Variants in KIF21A observed in about 807,000 individuals in gnomAD.
The protein encoded by KIF21A is kinesin-like protein KIF21A.
Under a neutral mutation model 202.9 loss-of-function variants are expected in KIF21A, and 114 were observed. The ratio of observed to expected loss-of-function variants is 0.56; its 90% confidence interval spans 0.48 to 0.66. The LOEUF is 0.66. Among genes scored for constraint, KIF21A ranks in the 30% least tolerant of loss-of-function variants. The pLI is 0.00. For missense variants in KIF21A, 1,677 were observed against 1,994.9 expected (o/e 0.84, Z 3.04); for synonymous variants, 667 against 670.8 (o/e 0.99, Z 0.09).
chr12:39,343,715 T>C (rs1466255132), intron 12 of KIF21A, among the ~76,000 whole-genome samples: 1 of 152,188 alleles, frequency 6.6e-6, no homozygotes, highest in Non-Finnish European at 1.5e-5. Flanking sequence ...GTCATTTATG[T>C]TTATGTTATT....
At chr12:39,407,567 T>G (rs1158578907) in intron 1 of KIF21A, among the ~76,000 whole-genome samples, 1 of 152,204 alleles carries the variant, frequency 6.6e-6, no homozygotes, top group Non-Finnish European at 1.5e-5. Flanking sequence ...TATTCATTTA[T>G]TCCCTCCAGT....
intron 17 of KIF21A, among the ~76,000 whole-genome samples, chr12:39,336,720 G>A (rs1049971577): frequency 3.9e-5 from 6 of 151,930 alleles, no homozygotes. Flanking sequence ...GTTAACTCTA[G>A]GATTATTTAT....
chr12:39,366,903 A>G, intron 5 of KIF21A, 127 bp downstream of exon 5: 1 of 947,754 alleles, frequency 1.1e-6, no homozygotes, highest in Non-Finnish European at 1.7e-6. Flanking sequence ...AACTAGGATC[A>G]GAAAAGGAAA....
chr12:39,427,174 G>T (rs1954832380), intron 1 of KIF21A, among the ~76,000 whole-genome samples: 1 of 152,106 alleles, frequency 6.6e-6, no homozygotes, highest in Admixed American at 6.6e-5. Flanking sequence ...AAACGGAACT[G>T]AACTAAATTA....
At chr12:39,312,792 G>T (rs1226826984) in intron 31 of KIF21A, 2 of 151,830 alleles carry the variant, frequency 1.3e-5, no homozygotes, top group African/African-American at 4.8e-5. Context: ...TCAAAACATT[G>T]TCCCTCTCCC....
At chr12:39,327,408 G>C (rs145373610) in intron 24 of KIF21A, among the ~76,000 whole-genome samples, 25 of 152,256 alleles carry the variant, frequency 1.6e-4, no homozygotes, top group Non-Finnish European at 2.8e-4. Flanking sequence ...TTAGAGGGAG[G>C]CTCAAGGACT....
chr12:39,322,562 C>A, intron 27 of KIF21A, 106 bp downstream of exon 27: 1 of 844,956 alleles, frequency 1.2e-6, no homozygotes, highest in Non-Finnish European at 1.8e-6. Context: ...AACCAGAGAT[C>A]AAATTTATAT....
intron 1 of KIF21A, among the ~76,000 whole-genome samples, chr12:39,441,661 A>T (rs1237132065): frequency 1.4e-5 from 1 of 72,538 alleles, no homozygotes; most frequent in African/African-American, 5.6e-5. Flanking sequence ...CCTGGGTGGT[A>T]AAAAAAAAAA....
intron 17 of KIF21A, among the ~76,000 whole-genome samples, chr12:39,336,156 G>A (rs1946946222): frequency 6.6e-6 from 1 of 151,940 alleles, no homozygotes; most frequent in African/African-American, 2.4e-5. Flanking sequence ...TGGGCTCAAA[G>A]CAATCCTCCG....
intron 29 of KIF21A, among the ~76,000 whole-genome samples, chr12:39,316,613 T>C (rs76094042): frequency 0.11 from 16,846 of 152,146 alleles, 929 homozygotes; most frequent in East Asian, 0.14. Context: ...TGAGTCTGGT[T>C]ATTAAGAAAA....
In KIF21A at chr12:39,293,420, T is replaced by A. The variant is rs1555135845; in HGVS notation, c.*1004A>T. The stretch of plus-strand genomic sequence containing the variant: ...TTATACATCCTTTTGCAAAATCCAG[T>A]CAACAACTTTTAAAAATTCATACAG... On this transcript the variant is annotated 3_prime_UTR_variant, in exon 38 of 38. Coordinates refer to ENST00000361418, the MANE Select transcript of KIF21A (RefSeq NM_001173464.2). 6.6e-6 allele frequency: 1 copy of A among 152,566 alleles called. No homozygotes were observed. The highest frequency in any genetic ancestry group is 1.5e-5 in the Non-Finnish European group (1 of 68,020). The allele number at this position is 152,566 out of a possible 1,614,324, so 9.5% of individuals were successfully genotyped here.
At chr12:39,392,583 G>A (rs926842880) in intron 1 of KIF21A, among the ~76,000 whole-genome samples, 1 of 151,998 alleles carries the variant, frequency 6.6e-6, no homozygotes, top group Admixed American at 6.6e-5. Flanking sequence ...ATGTTTGCCA[G>A]AAAGTGAAAT....
intron 15 of KIF21A, 47 bp from the exon 16 acceptor site, chr12:39,340,411 A>G (rs1393945599): frequency 2.0e-5 from 28 of 1,411,852 alleles, no homozygotes; most frequent in Non-Finnish European, 2.7e-5. Flanking sequence ...TGAGACACAG[A>G]TTTTTATTTC....
intron 34 of KIF21A, among the ~76,000 whole-genome samples, chr12:39,305,295 G>T (rs932366668): frequency 6.6e-5 from 10 of 151,438 alleles, no homozygotes; most frequent in African/African-American, 2.4e-4. Context: ...GAATCTGGGG[G>T]TGGGAGGCTG....
chr12:39,341,428 G>T, intron 14 of KIF21A, 77 bp downstream of exon 14: 1 of 1,378,736 alleles, frequency 7.3e-7, no homozygotes, highest in South Asian at 1.2e-5. Flanking sequence ...ATGAAATAGA[G>T]AATGTTAAGA....
intron 1 of KIF21A, among the ~76,000 whole-genome samples, chr12:39,373,277 T>G (rs1247434140): frequency 6.6e-6 from 1 of 152,216 alleles, no homozygotes; most frequent in African/African-American, 2.4e-5. Flanking sequence ...CTATGCTCTC[T>G]CTTGTTTCTA....
At chr12:39,386,461 G>A (rs1439587787) in intron 1 of KIF21A, among the ~76,000 whole-genome samples, 1 of 152,086 alleles carries the variant, frequency 6.6e-6, no homozygotes, top group Admixed American at 6.6e-5. Flanking sequence ...TGTAAAGCTG[G>A]GTCTTTGTTA....
chr12:39,395,767 G>A (rs1188508847), intron 1 of KIF21A, among the ~76,000 whole-genome samples: 5 of 151,418 alleles, frequency 3.3e-5, no homozygotes, highest in Non-Finnish European at 5.9e-5. Flanking sequence ...GCTTGAAACC[G>A]GGAGGTGGAG....
intron 1 of KIF21A, among the ~76,000 whole-genome samples, chr12:39,376,636 A>G (rs1004581359): frequency 6.6e-6 from 1 of 152,202 alleles, no homozygotes; most frequent in African/African-American, 2.4e-5. Context: ...ATAGTTTACA[A>G]CTTCCTATAA....
Sources: gnomAD v4.1 joint callset for allele counts (sites outside exome capture counted in the v4.1 genomes callset) on GRCh38, gnomAD v4.1.1 for gene constraint, MANE v1.5 for transcripts, NCBI Gene and HGNC (gene_info 2026-07-23, HGNC 2026-07-21) for gene names.